The following SCARA3 variants were observed in gnomAD, a reference collection of about 807,000 sequenced individuals.
SCARA3 encodes cellular stress response gene protein.
SCARA3 carries 39 observed loss-of-function variants against 47.0 expected under a neutral mutation model. The ratio of observed to expected loss-of-function variants is 0.83; its 90% CI spans 0.64 to 1.08. SCARA3 has a LOEUF of 1.08. Among genes scored for constraint, SCARA3 ranks in the 50% least tolerant of loss-of-function variants. The pLI is 0.00. For missense variants in SCARA3, 724 were observed against 792.3 expected, an observed-to-expected ratio of 0.91 and a Z score of 1.04; for synonymous variants, 356 against 334.1, an observed-to-expected ratio of 1.07 and a Z score of -0.71.
At chr8:27,686,634 C>G in the SCARA3 span, among the ~76,000 whole-genome samples, 1 of 152,156 alleles carries the variant, frequency 6.6e-6, no homozygotes, top group Admixed American at 6.5e-5. Context: ...TCTGCATGTA[C>G]CATTTATTTC....
the SCARA3 span, among the ~76,000 whole-genome samples, chr8:27,690,952 G>A: frequency 7.9e-5 from 12 of 152,022 alleles, no homozygotes; most frequent in Admixed American, 7.9e-4. Context: ...CAATGTGCTG[G>A]GATTACAGGC....
the SCARA3 span, among the ~76,000 whole-genome samples, chr8:27,723,880 C>G: frequency 2.0e-5 from 3 of 152,168 alleles, no homozygotes; most frequent in African/African-American, 7.2e-5. Context: ...GGAGTACAGG[C>G]ACGTGCCACC....
At position 27,649,789 on chromosome 8, in the gene SCARA3, G is replaced by C; in HGVS notation, c.95G>C (p.Cys32Ser). Residue 32 changes from cysteine to serine, a missense_variant, in exon 2 of 6, where the codon TGC becomes TCC. Coordinates refer to ENST00000301904, the MANE Select transcript of SCARA3 (RefSeq NM_016240.3). ...GDDEDMPTFP[C>S]TQKGRPGPRC... ...GACGAGGACATGCCGACCTTCCCAT[G>C]CACCCAGAAGGGTAAGGACTCTGGG... 6.2e-7 allele frequency: 1 copy of C among 1,613,834 alleles called. No homozygotes were observed. The highest frequency in any genetic ancestry group is 8.5e-7 in the Non-Finnish European group (1 of 1,179,838).
intron 3 of SCARA3, among the ~76,000 whole-genome samples, chr8:27,655,148 A>G (rs1463447899): frequency 6.6e-6 from 1 of 152,240 alleles, no homozygotes; most frequent in Non-Finnish European, 1.5e-5. Context: ...ATTTGAAAGC[A>G]TAGAATTTTG....
chr8:27,651,545 C>T lies in SCARA3; in HGVS notation c.144C>T (p.Asn48=), dbSNP rs760012264. ...PGPRCSRCQK[N]LSLHTSVRIL... ...CCCGCTGCAGCCGCTGCCAGAAGAA[C>T]CTATCTTTGCACACATCGGTGCGGA... is the stretch of plus-strand genomic sequence containing the variant. The change falls in exon 3 of 6, where the codon AAC becomes AAT. Residue 48 remains asparagine, a synonymous_variant. Coordinates refer to ENST00000301904, the MANE Select transcript of SCARA3 (RefSeq NM_016240.3). 194 of 1,613,810 alleles carry T rather than the reference C, an allele frequency of 1.2e-4. No individual in the cohort carries two copies. The highest frequency in any genetic ancestry group is 1.6e-4 in the Non-Finnish European group (190 of 1,180,036).
the SCARA3 span, among the ~76,000 whole-genome samples, chr8:27,707,990 A>C: frequency 1.3e-5 from 2 of 152,204 alleles, no homozygotes; most frequent in African/African-American, 4.8e-5. Flanking sequence ...CAGAAAATTT[A>C]CTTCCCATCC....
At position 27,671,270 on chromosome 8, in the gene SCARA3, G is replaced by C. The variant is rs542442032; in HGVS notation, c.1740G>C (p.Gly580=). 2 of 1,459,776 alleles carry C rather than the reference G, an allele frequency of 1.4e-6. No homozygotes were observed. The highest frequency in any genetic ancestry group is 1.5e-5 in the South Asian group (1 of 68,788). The allele number at this position is 1,459,776 out of a possible 1,614,324, so 90.4% of individuals were successfully genotyped here. Reference sequence around the variant, plus strand: ...CACCAGGCCAGCGGGGGGCCATGGGGCCTAAGGGTGAACCAGGGATCCAGG... The same window carrying C: ...CACCAGGCCAGCGGGGGGCCATGGGCCCTAAGGGTGAACCAGGGATCCAGG... ...TGSPGQRGAM[G]PKGEPGIQGP... The change falls in exon 6 of 6, where the codon GGG becomes GGC. Residue 580 remains glycine (G), a synonymous_variant. Coordinates refer to ENST00000301904, the MANE Select transcript of SCARA3 (RefSeq NM_016240.3).
intron 1 of SCARA3, among the ~76,000 whole-genome samples, chr8:27,643,751 CA>C (rs1410274302): frequency 6.6e-6 from 1 of 152,212 alleles, no homozygotes; most frequent in East Asian, 1.9e-4. Flanking sequence ...AGATAATTAT[CA>C]AAATATGTTC....
the SCARA3 span, among the ~76,000 whole-genome samples, chr8:27,715,589 TGATA>T: frequency 0.16 from 7,423 of 45,576 alleles, 233 homozygotes; most frequent in Admixed American, 0.25. The surrounding 1 kb of genome is among the most constrained non-coding windows in gnomAD (Gnocchi z 4.2). Flanking sequence ...CCTAGATAGA[TGATA>T]GATAGATAGA....
chr8:27,640,421 C>T (rs1207128086), intron 1 of SCARA3, among the ~76,000 whole-genome samples: 4 of 152,144 alleles, frequency 2.6e-5, no homozygotes, highest in Non-Finnish European at 5.9e-5. Flanking sequence ...TAGTCTCACT[C>T]TGTGCCCAGG....
chr8:27,643,634 C>T (rs142283342), intron 1 of SCARA3, among the ~76,000 whole-genome samples: 80 of 152,326 alleles, frequency 5.3e-4, no homozygotes, highest in East Asian at 4.8e-3. Flanking sequence ...AAACTAATAG[C>T]TATTCTGCAC....
chr8:27,676,934 T>C (rs1005710345), downstream of SCARA3, among the ~76,000 whole-genome samples: 12 of 152,112 alleles, frequency 7.9e-5, no homozygotes, highest in African/African-American at 2.9e-4. Flanking sequence ...TACCCAGATT[T>C]GTAATATGAT....
chr8:27,714,609 TA>T, the SCARA3 span, among the ~76,000 whole-genome samples: 1 of 152,108 alleles, frequency 6.6e-6, no homozygotes, highest in Admixed American at 6.5e-5. Flanking sequence ...CTAGGGGAGA[TA>T]AAAATACACA....
chr8:27,696,173 C>T, the SCARA3 span, among the ~76,000 whole-genome samples: 1 of 151,956 alleles, frequency 6.6e-6, no homozygotes, highest in African/African-American at 2.4e-5. Context: ...CCATGCCTGG[C>T]TAATTTTAAA....
rs534370160 is a variant in SCARA3, at chr8:27,648,389, G to C, written c.8-1313G>C. On this transcript the variant is annotated intron_variant, in intron 1 of 5. Coordinates refer to ENST00000301904, the MANE Select transcript of SCARA3 (RefSeq NM_016240.3). ...TGGGAGGCCAAGGTGGGTGGATCAC[G>C]GTCAGGAGATGGAGACCATCCTGGC... Among the ~76,000 whole-genome samples the C allele has an allele frequency of 1.8e-3, 278 of 152,282 alleles. 1 individual carries two copies. The highest frequency in any genetic ancestry group is 6.4e-3 in the African/African-American group (265 of 41,556).
chr8:27,676,667 C>T (rs1802282733), downstream of SCARA3: 14 of 943,786 alleles, frequency 1.5e-5, no homozygotes, highest in Non-Finnish European at 2.4e-5. Flanking sequence ...GTTTACTATC[C>T]TTAATGGTAA....
chr8:27,716,145 GA>G, the SCARA3 span, among the ~76,000 whole-genome samples: 15 of 148,618 alleles, frequency 1.0e-4, no homozygotes, highest in East Asian at 3.9e-4. Context: ...GTGTCTACAA[GA>G]AAAAAAAAAG....
chr8:27,646,073 C>G (rs2077811764), intron 1 of SCARA3, among the ~76,000 whole-genome samples: 2 of 152,156 alleles, frequency 1.3e-5, no homozygotes, highest in African/African-American at 4.8e-5. Context: ...ATAGGTGAGT[C>G]AGGGGTCCCC....
chr8:27,728,562 G>A, the SCARA3 span, among the ~76,000 whole-genome samples: 28 of 152,346 alleles, frequency 1.8e-4, 1 homozygote, highest in Admixed American at 7.8e-4. Context: ...TTCTGGAGGG[G>A]CCGTCGCTGG....
Sources: gnomAD v4.1 joint callset for allele counts (sites outside exome capture counted in the v4.1 genomes callset) on GRCh38, gnomAD v4.1.1 for gene constraint, Gnocchi (gnomAD v3.1) non-coding constraint, MANE v1.5 for transcripts, NCBI Gene and HGNC (gene_info 2026-07-23, HGNC 2026-07-21) for gene names.